HAP1: variants seen among roughly 807,000 people sequenced by gnomAD.
The protein encoded by HAP1 is huntingtin associated protein 1.
In HAP1, 59 loss-of-function variants were observed where a neutral mutation model predicts 60.3. That is an observed-to-expected ratio of 0.98 (90% CI 0.79 to 1.22). HAP1 has a LOEUF of 1.22. Ranked by LOEUF, HAP1 falls within the 50% of genes most tolerant of loss-of-function variation. HAP1 has a pLI of 0.00. For missense variants in HAP1, 825 were observed against 785.3 expected (o/e 1.05, Z -0.60); for synonymous variants, 346 against 330.6 (o/e 1.05, Z -0.50).
intron 6 of HAP1, chr17:41,730,527 GAA>G (rs1466645170): frequency 6.6e-6 from 1 of 152,266 alleles, no homozygotes; most frequent in Non-Finnish European, 1.5e-5. Context: ...TGGGGAGGGG[GAA>G]AAAGACTTAA....
chr17:41,732,141 A>G (rs1170132919), intron 3 of HAP1, 23 bp from the exon 4 acceptor site: 2 of 1,612,928 alleles, frequency 1.2e-6, no homozygotes, highest in Non-Finnish European at 1.7e-6. Flanking sequence ...GAGAGGAGCC[A>G]TGGGTTGGGA....
rs1912200435 is a variant in HAP1, at chr17:41,731,567, G to A, written c.1003-8C>T. ...AGTGTCGAGTTGAGAGGCCTGGAGG[G>A]AGACAAAGAGGAAGGGACAGGGAAG... On this transcript the variant is annotated splice_polypyrimidine_tract_variant and splice_region_variant and intron_variant, in intron 5 of 10. Transcript: ENST00000347901. 3.1e-6 allele frequency: 5 copies of A among 1,610,362 alleles called. No individual in the cohort carries two copies. The highest frequency in any genetic ancestry group is 4.2e-6 in the Non-Finnish European group (5 of 1,176,650).
rs1302837066 is a variant in HAP1 at position 41,723,707 on chromosome 17, C to A, written c.*994G>T. 6.6e-6 allele frequency: 1 copy of A among 152,530 alleles called. No individual in the cohort carries two copies. The highest frequency in any genetic ancestry group is 1.5e-5 in the Non-Finnish European group (1 of 68,070). 9.4% of individuals were successfully genotyped at this position (152,530 alleles called of 1,614,324 possible). ...ATAAAGGTCATGGTTCAGTTTATAACCTGCACAAGCTTACATGACACGCCT... is the reference window on the plus strand; with the variant it reads ...ATAAAGGTCATGGTTCAGTTTATAAACTGCACAAGCTTACATGACACGCCT... On this transcript the variant is annotated 3_prime_UTR_variant, in exon 11 of 11. Transcript: ENST00000347901.
intron 9 of HAP1, 55 bp from the exon 10 acceptor site, chr17:41,725,952 C>G: frequency 7.5e-7 from 1 of 1,331,698 alleles, no homozygotes. Flanking sequence ...AACTGCAGTC[C>G]CTGGGGCTTG....
downstream of HAP1, chr17:41,721,171 C>A (rs1439362418): frequency 6.6e-6 from 1 of 152,212 alleles, no homozygotes; most frequent in African/African-American, 2.4e-5. Flanking sequence ...CAGCAATAAT[C>A]TTCTCAATGA....
Position 41,734,394 on chromosome 17 carries a change from G to T in HAP1, c.241C>A (p.Arg81=). Residue 81 remains arginine, a synonymous_variant, in exon 1 of 11, where the codon CGG becomes AGG. Transcript: ENST00000347901. ...ATGGCCGAGAATGCGGACGGGCGCC[G>T]GGCTCCTGCCTTGGCTCCAGCCTCC... ...ASEAGAKAGA[R]RPSAFSAIQG... 2 of 1,606,308 alleles carry T rather than the reference G, an allele frequency of 1.2e-6. No individual in the cohort carries two copies. The highest frequency in any genetic ancestry group is 1.7e-6 in the Non-Finnish European group (2 of 1,174,832).
chr17:41,731,983 C>T lies in HAP1; in HGVS notation c.850G>A (p.Ala284Thr), dbSNP rs150945451. The change falls in exon 4 of 11, where the codon GCA (alanine) becomes ACA (threonine). Residue 284 changes from alanine (A) to threonine (T), a missense_variant. Ala to Thr is a moderately conservative substitution (Grantham distance 58). Coordinates refer to ENST00000347901, the MANE Select transcript of HAP1 (RefSeq NM_177977.3). ...EAEEEQEEEE[A>T]EEDLQCAHPC... ...TGAGCACACTGCAGGTCTTCCTCTG[C>T]TTCTTCTTCTTCCTGTTCCTCTTCT... 33 of 1,207,494 alleles carry T rather than the reference C, an allele frequency of 2.7e-5. No individual in the cohort carries two copies. The African/African-American group carries it at 2.8e-4, about 10-fold the overall frequency. 74.8% of individuals were successfully genotyped at this position (1,207,494 alleles called of 1,614,324 possible).
intron 6 of HAP1, among the ~76,000 whole-genome samples, chr17:41,729,294 A>G (rs1393585487): frequency 6.6e-6 from 1 of 150,908 alleles, no homozygotes; most frequent in Non-Finnish European, 1.5e-5. Flanking sequence ...TCATGCCTGT[A>G]ATCTCAGCGC....
downstream of HAP1, chr17:41,721,861 C>T (rs988487088): frequency 2.0e-5 from 3 of 151,206 alleles, no homozygotes; most frequent in Admixed American, 6.6e-5. Flanking sequence ...TGAGCCACCG[C>T]GCCTGGCCTC....
At chr17:41,734,100 G>C (rs1912492356) in intron 1 of HAP1, 66 bp downstream of exon 1, 1 of 1,346,396 alleles carries the variant, frequency 7.4e-7, no homozygotes, top group Non-Finnish European at 1.0e-6. Flanking sequence ...GGACCCGATG[G>C]GGCCACTTCC....
intron 2 of HAP1, 56 bp downstream of exon 2, chr17:41,732,663 C>T (rs2143261435): frequency 7.1e-7 from 1 of 1,403,816 alleles, no homozygotes; most frequent in African/African-American, 1.4e-5. Context: ...AGACCCCCAC[C>T]CCTACAGGAC....
rs2143178538 is a variant in HAP1, at chr17:41,723,631, G to A, written c.*1070C>T. The stretch of plus-strand genomic sequence containing the variant: ...GGGGTCTGATCAACTGTATCAGAAG[G>A]ACACGGAAAGTCGCCATTGATAATT... On this transcript the variant is annotated 3_prime_UTR_variant, in exon 11 of 11. Coordinates refer to ENST00000347901, the MANE Select transcript of HAP1 (RefSeq NM_177977.3). 6.5e-6 allele frequency: 1 copy of A among 152,868 alleles called. No homozygotes were observed. The highest frequency in any genetic ancestry group is 2.4e-5 in the African/African-American group (1 of 41,568). The allele number at this position is 152,868 out of a possible 1,614,324, so 9.5% of individuals were successfully genotyped here.
intron 8 of HAP1, chr17:41,727,401 C>A (rs1555589197): frequency 2.6e-6 from 2 of 780,034 alleles, no homozygotes; most frequent in South Asian, 2.7e-5. Flanking sequence ...CATGCCCCCA[C>A]AATCCATGTA....
downstream of HAP1, among the ~76,000 whole-genome samples, chr17:41,720,559 T>C (rs187048996): frequency 1.8e-3 from 271 of 152,306 alleles, 1 homozygote; most frequent in Middle Eastern, 6.8e-3. Flanking sequence ...CCTGTTTTTA[T>C]GCAAATAGGA....
At chr17:41,733,299 C>T (rs560485533) in intron 1 of HAP1, among the ~76,000 whole-genome samples, 4 of 150,462 alleles carry the variant, frequency 2.7e-5, no homozygotes, top group Non-Finnish European at 5.9e-5. Context: ...ATCCGCCCGC[C>T]TCGGCCTGCC....
At position 41,731,558 on chromosome 17, in the gene HAP1, G is replaced by A. The variant is rs1912198733; in HGVS notation, c.1004C>T (p.Ala335Val). Residue 335 changes from alanine (A) to valine (V), a missense_variant and splice_region_variant, in exon 6 of 11, where the codon GCC becomes GTC. Transcript: ENST00000347901. Reference sequence around the variant, plus strand: ...ATCCTCAAGAGTGTCGAGTTGAGAGGCCTGGAGGGAGACAAAGAGGAAGGG... The same window carrying A: ...ATCCTCAAGAGTGTCGAGTTGAGAGACCTGGAGGGAGACAAAGAGGAAGGG... ...EEENHQLREEASQLDTLEDEE... is the reference protein window; with the variant it reads ...EEENHQLREEVSQLDTLEDEE... The A allele has an allele frequency of 1.1e-5, 18 of 1,611,094 alleles. No homozygotes were observed. The highest frequency in any genetic ancestry group is 1.4e-5 in the Non-Finnish European group (17 of 1,177,362).
rs1217139183 is a variant in HAP1, at chr17:41,734,617, C to A, written c.18G>T (p.Leu6Phe). The change falls in exon 1 of 11, where the codon TTG becomes TTT. Residue 6 changes from leucine (L) to phenylalanine (F), a missense_variant. Coordinates refer to ENST00000347901, the MANE Select transcript of HAP1 (RefSeq NM_177977.3). The part of the protein sequence containing the change: MRPKR[L>F]GRCCAGSRLG... ...GCCGGCTCCCCGCGCAGCACCGGCCCAACCTCTTCGGGCGCATCTCGAGTC... is the reference window on the plus strand; with the variant it reads ...GCCGGCTCCCCGCGCAGCACCGGCCAAACCTCTTCGGGCGCATCTCGAGTC... 8 of 1,548,124 alleles carry A rather than the reference C, an allele frequency of 5.2e-6. No individual in the cohort carries two copies. In the Admixed American group the frequency reaches 5.6e-5, roughly 11 times the overall value.
chr17:41,731,613 G>A, intron 5 of HAP1, 25 bp downstream of exon 5: 1 of 1,604,264 alleles, frequency 6.2e-7, no homozygotes. Context: ...CTGCTAGCAG[G>A]GACGCCCTCC....
chr17:41,726,569 A>AC (rs1386012455), intron 9 of HAP1, among the ~76,000 whole-genome samples: 7 of 151,582 alleles, frequency 4.6e-5, no homozygotes, highest in African/African-American at 1.7e-4. Flanking sequence ...TCAAAAAAAA[A>AC]AAAAAACCTC....
Sources: gnomAD v4.1 joint callset for allele counts (sites outside exome capture counted in the v4.1 genomes callset) on GRCh38, gnomAD v4.1.1 for gene constraint, MANE v1.5 for transcripts, NCBI Gene and HGNC (gene_info 2026-07-23, HGNC 2026-07-21) for gene names.